The following GRID1 variants were observed in gnomAD, a reference collection of about 807,000 sequenced individuals.
GRID1 encodes the protein glutamate receptor ionotropic, delta-1.
Under a neutral mutation model 98.0 loss-of-function variants are expected in GRID1, and 28 were observed. That is an observed-to-expected ratio of 0.29 (90% CI 0.21 to 0.39). The LOEUF (loss-of-function observed/expected upper bound fraction) is 0.39, where lower values mean the gene tolerates loss of function less well. GRID1 is among the 10% of genes least tolerant of loss of function. The probability of loss-of-function intolerance (pLI) is 1.00; values close to 1 mark genes in which losing one functional copy is unlikely to be tolerated. For synonymous variants in GRID1, 553 were observed against 538.5 expected (o/e 1.03, Z -0.37); for missense variants, 1,111 against 1,340.5 (o/e 0.83, Z 2.67).
rs1175741635 is a variant in GRID1, at chr10:86,192,198, A to G, written c.520+14166T>C. On this transcript the variant is annotated intron_variant, in intron 3 of 15. Transcript: ENST00000327946. The surrounding 1 kb of genome is among the most constrained non-coding windows in gnomAD (Gnocchi z 4.8). ...CACACACCCACAGACACCTGCGCACACACACACACATGGAGGCTCCAAGAG... is the reference window on the plus strand; with the variant it reads ...CACACACCCACAGACACCTGCGCACGCACACACACATGGAGGCTCCAAGAG... 6.6e-6 allele frequency among the ~76,000 whole-genome samples: 1 copy of G among 151,570 alleles called. No individual in the cohort carries two copies. The highest frequency in any genetic ancestry group is 1.5e-5 in the Non-Finnish European group (1 of 67,686).
intron 12 of GRID1, among the ~76,000 whole-genome samples, chr10:85,712,306 T>A (rs1841590750): frequency 6.6e-6 from 1 of 151,818 alleles, no homozygotes. Context: ...AGAAAAAAGA[T>A]GGAAAAAGAT....
At chr10:86,349,070 A>G (rs1284856272) in intron 2 of GRID1, among the ~76,000 whole-genome samples, 1 of 152,172 alleles carries the variant, frequency 6.6e-6, no homozygotes, top group African/African-American at 2.4e-5. Flanking sequence ...TGGAGTGCGG[A>G]GGGAGGCACT....
intron 2 of GRID1, among the ~76,000 whole-genome samples, chr10:86,301,995 C>A (rs1847695255): frequency 6.6e-6 from 1 of 152,244 alleles, no homozygotes; most frequent in Non-Finnish European, 1.5e-5. Context: ...CTGCCTGGCT[C>A]CCAGGCCACC....
intron 5 of GRID1, among the ~76,000 whole-genome samples, chr10:85,901,034 G>T (rs1383798341): frequency 6.6e-6 from 1 of 152,080 alleles, no homozygotes; most frequent in Non-Finnish European, 1.5e-5. Flanking sequence ...GGAAGAACTA[G>T]GGTCGCAGCA....
intron 15 of GRID1, chr10:85,606,431 G>A (rs1310772436): frequency 6.6e-6 from 1 of 152,184 alleles, no homozygotes; most frequent in African/African-American, 2.4e-5. Flanking sequence ...ACAAACCCTA[G>A]GAGATGAGGG....
chr10:86,127,215 G>A (rs185072702), intron 4 of GRID1, among the ~76,000 whole-genome samples: 4 of 152,158 alleles, frequency 2.6e-5, no homozygotes, highest in East Asian at 3.9e-4. Context: ...GTAGTCTGGC[G>A]GTGCTTCAGG....
chr10:86,041,307 C>A (rs1464852575), intron 4 of GRID1, among the ~76,000 whole-genome samples: 1 of 152,168 alleles, frequency 6.6e-6, no homozygotes, highest in East Asian at 1.9e-4. Context: ...TTGCAAACAC[C>A]ACAACAACAG....
intron 8 of GRID1, among the ~76,000 whole-genome samples, chr10:85,809,136 A>G (rs1842647040): frequency 6.6e-6 from 1 of 152,184 alleles, no homozygotes; most frequent in Admixed American, 6.5e-5. Context: ...CGGACACAGC[A>G]GAAGACGTGA....
At chr10:85,930,901 G>C (rs1841842735) in intron 4 of GRID1, among the ~76,000 whole-genome samples, 1 of 151,934 alleles carries the variant, frequency 6.6e-6, no homozygotes, top group African/African-American at 2.4e-5. Flanking sequence ...GAGTGCAGTG[G>C]TGCGATCATG....
intron 4 of GRID1, among the ~76,000 whole-genome samples, chr10:86,041,542 G>A (rs1205215903): frequency 3.3e-5 from 5 of 152,128 alleles, no homozygotes; most frequent in African/African-American, 9.7e-5. Flanking sequence ...GGCCAGTCAG[G>A]GGATGCACCT....
chr10:86,293,553 T>C (rs1013562919), intron 2 of GRID1, among the ~76,000 whole-genome samples: 1 of 152,220 alleles, frequency 6.6e-6, no homozygotes, highest in African/African-American at 2.4e-5. Flanking sequence ...ATATTACATT[T>C]CAAACAAAAA....
intron 3 of GRID1, among the ~76,000 whole-genome samples, chr10:86,189,046 A>G (rs939390113): frequency 6.6e-6 from 1 of 152,124 alleles, no homozygotes; most frequent in Admixed American, 6.5e-5. Context: ...ATTTTCCACC[A>G]TCCAAAGCCA....
intron 3 of GRID1, among the ~76,000 whole-genome samples, chr10:86,190,488 G>T (rs952912604): frequency 6.6e-6 from 1 of 152,230 alleles, no homozygotes; most frequent in Non-Finnish European, 1.5e-5. Flanking sequence ...CTACAGCCTG[G>T]CTCTGTAGCC....
intron 8 of GRID1, among the ~76,000 whole-genome samples, chr10:85,816,199 T>C (rs983534233): frequency 1.3e-5 from 2 of 152,142 alleles, no homozygotes; most frequent in African/African-American, 4.8e-5. Context: ...GAATTAAAAC[T>C]TACTTTTACA....
intron 12 of GRID1, among the ~76,000 whole-genome samples, chr10:85,671,884 A>T (rs953683733): frequency 1.3e-5 from 2 of 152,232 alleles, no homozygotes; most frequent in Admixed American, 1.3e-4. Context: ...GATCAACAGG[A>T]CATTCCCTTA....
intron 2 of GRID1, among the ~76,000 whole-genome samples, chr10:86,270,485 T>C (rs976431100): frequency 3.9e-5 from 6 of 152,120 alleles, no homozygotes; most frequent in Non-Finnish European, 8.8e-5. Flanking sequence ...AGGTCAGCAG[T>C]TCGAAACCAC....
At position 86,227,355 on chromosome 10, in the gene GRID1, T is replaced by G. The variant is rs561533092; in HGVS notation, c.236-20707A>C. Among the ~76,000 whole-genome samples, 20 of 152,240 alleles carry G rather than the reference T, an allele frequency of 1.3e-4. No individual in the cohort carries two copies. The East Asian group carries it at 3.7e-3, about 28-fold the overall frequency. On this transcript the variant is annotated intron_variant, in intron 2 of 15. Transcript: ENST00000327946. Reference sequence around the variant, plus strand: ...AGGGGTGGTGGAGAGCTCATAGTACTCCCTAAGAACTTGCTCATAGTAGTG... The same window carrying G: ...AGGGGTGGTGGAGAGCTCATAGTACGCCCTAAGAACTTGCTCATAGTAGTG...
Position 85,599,977 on chromosome 10 carries a change from TC to T in GRID1, c.*2295del, listed in dbSNP as rs1842552096. On this transcript the variant is annotated 3_prime_UTR_variant, in exon 16 of 16. Coordinates refer to ENST00000327946, the MANE Select transcript of GRID1 (RefSeq NM_017551.3). ...CAGGCGCACAAACACATCCTCCATC[TC>T]CCTCTCTTTCCTCCTTGACACTCAT... 1.4e-5 allele frequency: 2 copies of T among 146,656 alleles called. No homozygotes were observed. Among genetic ancestry groups the T allele is most frequent in the Admixed American group, 1.4e-4 (2 of 14,580 alleles). 9.1% of individuals were successfully genotyped at this position (146,656 alleles called of 1,614,324 possible).
At chr10:85,682,975 G>T (rs1841227677) in intron 12 of GRID1, among the ~76,000 whole-genome samples, 1 of 152,226 alleles carries the variant, frequency 6.6e-6, no homozygotes. Flanking sequence ...AGGATGTGAA[G>T]AACATCCTAC....
Sources: allele counts gnomAD v4.1 joint callset (sites outside exome capture counted in the v4.1 genomes callset), GRCh38; gene constraint gnomAD v4.1.1; non-coding constraint Gnocchi (gnomAD v3.1); transcripts MANE v1.5; gene names NCBI Gene and HGNC (gene_info 2026-07-23, HGNC 2026-07-21).